Variants in PCDH9 observed in about 807,000 individuals in gnomAD.
PCDH9 encodes the protein protocadherin-9.
Under a neutral mutation model 70.6 loss-of-function variants are expected in PCDH9, and 24 were observed. The observed-to-expected ratio is 0.34, with a 90% CI of 0.25 to 0.48. The LOEUF is 0.48. Among genes scored for constraint, PCDH9 ranks in the 20% least tolerant of loss-of-function variants. The pLI is 0.99. For missense variants in PCDH9, 1,281 were observed against 1,503.6 expected, an observed-to-expected ratio of 0.85 and a Z score of 2.45; for synonymous variants, 562 against 558.5, an observed-to-expected ratio of 1.01 and a Z score of -0.09.
At chr13:66,807,393 A>T (rs1383478123) in intron 3 of PCDH9, among the ~76,000 whole-genome samples, 1 of 152,174 alleles carries the variant, frequency 6.6e-6, no homozygotes, top group Non-Finnish European at 1.5e-5. Flanking sequence ...AAAATTTGAA[A>T]TAATCAAACT....
rs111993323 is a variant in PCDH9, at chr13:66,469,470, G to A, written c.3340+161740C>T. Among the ~76,000 whole-genome samples the A allele has an allele frequency of 8.6e-5, 13 of 151,104 alleles. 1 individual carries two copies. The highest frequency in any genetic ancestry group is 3.2e-4 in the African/African-American group (13 of 41,184). On this transcript the variant is annotated intron_variant, in intron 4 of 4. Coordinates refer to ENST00000377865, the MANE Select transcript of PCDH9 (RefSeq NM_203487.3). Reference sequence around the variant, plus strand: ...AAAGGACAAAAGGAAGGGAGGGAGGGGGGAAGGAAGGAAGGAATAGAAGGA... The same window carrying A: ...AAAGGACAAAAGGAAGGGAGGGAGGAGGGAAGGAAGGAAGGAATAGAAGGA...
chr13:66,591,016 T>A (rs958500444), intron 4 of PCDH9, among the ~76,000 whole-genome samples: 1 of 151,806 alleles, frequency 6.6e-6, no homozygotes, highest in Non-Finnish European at 1.5e-5. Flanking sequence ...CTAGACAATC[T>A]TTACTTGATG....
intron 2 of PCDH9, among the ~76,000 whole-genome samples, chr13:67,067,115 G>A (rs2085663563): frequency 6.6e-6 from 1 of 152,120 alleles, no homozygotes; most frequent in South Asian, 2.1e-4. Flanking sequence ...AAGAATTTTA[G>A]CTGAAATTTT....
chr13:67,190,072 G>T (rs187606456), intron 2 of PCDH9, among the ~76,000 whole-genome samples: 1 of 151,980 alleles, frequency 6.6e-6, no homozygotes, highest in South Asian at 2.1e-4. Context: ...ATTTTGTAAG[G>T]CTTATAATAT....
intron 3 of PCDH9, among the ~76,000 whole-genome samples, chr13:66,754,284 G>A (rs112495348): frequency 0.051 from 7,713 of 151,960 alleles, 231 homozygotes; most frequent in Middle Eastern, 0.13. Context: ...GTAGATGATG[G>A]GTTGATGGGT....
chr13:66,537,850 G>T (rs1197286141), intron 4 of PCDH9, among the ~76,000 whole-genome samples: 2 of 152,044 alleles, frequency 1.3e-5, no homozygotes, highest in African/African-American at 4.8e-5. Flanking sequence ...TTTGTTAAAT[G>T]TTCATCTTAA....
intron 2 of PCDH9, chr13:67,213,509 C>T (rs2089521837): frequency 6.6e-6 from 1 of 152,030 alleles, no homozygotes; most frequent in Admixed American, 6.6e-5. Context: ...ATTTACCAAA[C>T]ATGTACTATA....
chr13:66,832,104 C>A (rs2080937354), intron 3 of PCDH9, among the ~76,000 whole-genome samples: 2 of 152,044 alleles, frequency 1.3e-5, no homozygotes, highest in South Asian at 2.1e-4. Flanking sequence ...AAAAAAATTT[C>A]TCTTTGACAT....
intron 3 of PCDH9, among the ~76,000 whole-genome samples, chr13:66,652,879 A>G (rs2077872691): frequency 6.6e-6 from 1 of 152,150 alleles, no homozygotes; most frequent in South Asian, 2.1e-4. Context: ...AGGTATCAAG[A>G]ACATACATTG....
intron 3 of PCDH9, among the ~76,000 whole-genome samples, chr13:66,883,701 A>G (rs934252531): frequency 5.3e-5 from 8 of 152,146 alleles, no homozygotes; most frequent in African/African-American, 7.2e-5. Context: ...TGCCTTTGTT[A>G]CACTATGATA....
intron 4 of PCDH9, among the ~76,000 whole-genome samples, chr13:66,613,968 A>G (rs1230504422): frequency 2.0e-5 from 3 of 152,226 alleles, no homozygotes. Context: ...TTTGAGAACT[A>G]TTTGACTTGC....
intron 2 of PCDH9, among the ~76,000 whole-genome samples, chr13:66,981,903 AC>A (rs2083778859): frequency 1.3e-5 from 2 of 152,218 alleles, no homozygotes; most frequent in Admixed American, 6.5e-5. Context: ...TAACTTATTT[AC>A]CAGTAACACA....
chr13:66,772,397 T>A (rs2079822059), intron 3 of PCDH9, among the ~76,000 whole-genome samples: 1 of 152,240 alleles, frequency 6.6e-6, no homozygotes, highest in South Asian at 2.1e-4. Flanking sequence ...GTTCAATTTC[T>A]AGCTCATTTT....
intron 4 of PCDH9, among the ~76,000 whole-genome samples, chr13:66,554,956 G>A (rs1961662471): frequency 6.6e-6 from 1 of 152,084 alleles, no homozygotes; most frequent in African/African-American, 2.4e-5. Context: ...GACCACCTGA[G>A]GTTGGGAGTT....
chr13:66,630,540 G>A (rs187531108), intron 4 of PCDH9, among the ~76,000 whole-genome samples: 8 of 152,244 alleles, frequency 5.3e-5, no homozygotes, highest in Non-Finnish European at 8.8e-5. Context: ...GTGATTTCTG[G>A]AGTGGGGTAT....
intron 4 of PCDH9, among the ~76,000 whole-genome samples, chr13:66,425,559 G>GAAA (rs543657712): frequency 7.3e-6 from 1 of 137,486 alleles, no homozygotes. Flanking sequence ...TTCAGAAAAC[G>GAAA]AAAAAAAAAA....
chr13:66,607,452 C>G (rs1314554339), intron 4 of PCDH9, among the ~76,000 whole-genome samples: 2 of 151,990 alleles, frequency 1.3e-5, no homozygotes, highest in African/African-American at 4.8e-5. Context: ...TAATTACAGT[C>G]TTCTGAGTAA....
At chr13:67,005,851 A>G in intron 2 of PCDH9, among the ~76,000 whole-genome samples, 1 of 152,356 alleles carries the variant, frequency 6.6e-6, no homozygotes, top group East Asian at 1.9e-4. Context: ...CCCTATAGCC[A>G]GAATGGCCTT....
At position 66,809,239 on chromosome 13, in the gene PCDH9, C is replaced by T. The variant is rs556799152; in HGVS notation, c.3138+94265G>A. 7.2e-5 allele frequency among the ~76,000 whole-genome samples: 11 copies of T among 152,186 alleles called. No homozygotes were observed. The South Asian group carries it at 1.9e-3, about 26-fold the overall frequency. On this transcript the variant is annotated intron_variant, in intron 3 of 4. Coordinates refer to ENST00000377865, the MANE Select transcript of PCDH9 (RefSeq NM_203487.3). ...CTGGGATTACAGGCATGAGCCACCG[C>T]GCCAGGCCTTTTAAATACATTTTTA... is the stretch of plus-strand genomic sequence containing the variant.
Sources: gnomAD v4.1 joint callset for allele counts (sites outside exome capture counted in the v4.1 genomes callset) on GRCh38, gnomAD v4.1.1 for gene constraint, MANE v1.5 for transcripts, NCBI Gene and HGNC (gene_info 2026-07-23, HGNC 2026-07-21) for gene names.